PARP6: variants seen among roughly 807,000 people sequenced by gnomAD.
PARP6 encodes protein mono-ADP-ribosyltransferase PARP6.
A neutral mutation model predicts 92.0 loss-of-function variants in PARP6; 27 were observed. That is an observed-to-expected ratio of 0.29 (90% CI 0.22 to 0.40). PARP6 has a LOEUF of 0.40. Ranked by LOEUF, PARP6 falls within the 10% of genes least tolerant of loss-of-function variation. PARP6 has a pLI of 1.00. For synonymous variants in PARP6, 272 were observed against 281.2 expected, an observed-to-expected ratio of 0.97 and a Z score of 0.33; for missense variants, 501 against 784.5, an observed-to-expected ratio of 0.64 and a Z score of 4.32.
intron 20 of PARP6, 148 bp downstream of exon 20, chr15:72,249,095 TAG>T (rs1201902218): frequency 2.5e-4 from 108 of 433,288 alleles, no homozygotes; most frequent in South Asian, 5.1e-4. Context: ...TAAGAAAATG[TAG>T]AGAGAGAGAG....
chr15:72,254,124 CCCT>C, intron 15 of PARP6: 1 of 477,296 alleles, frequency 2.1e-6, no homozygotes, highest in Non-Finnish European at 4.1e-6. Context: ...CTTCAAGCCC[CCCT>C]CCTCCTCACC....
intron 8 of PARP6, among the ~76,000 whole-genome samples, chr15:72,262,302 T>A (rs2085998868): frequency 6.6e-6 from 1 of 152,160 alleles, no homozygotes; most frequent in Admixed American, 6.5e-5. Context: ...CAAAAACCTC[T>A]CTTCCTTCTT....
chr15:72,261,709 T>C lies in PARP6; in HGVS notation c.396-2A>G. On this transcript the variant is annotated splice_acceptor_variant, in intron 8 of 23. Transcript: ENST00000569795. LOFTEE classifies it high-confidence loss of function. ...TGGGATGTAAACATACCCAGGATCCTGAGGGATCAAAAAGAATGAGCTTAG... is the reference window on the plus strand; with the variant it reads ...TGGGATGTAAACATACCCAGGATCCCGAGGGATCAAAAAGAATGAGCTTAG... The C allele has an allele frequency of 1.2e-6, 2 of 1,613,682 alleles. No individual in the cohort carries two copies. Among genetic ancestry groups the C allele is most frequent in the Non-Finnish European group, 1.7e-6 (2 of 1,179,714 alleles).
rs527423264 is a variant in PARP6, at chr15:72,269,151, GTTC to G, written c.-194-1483_-194-1481del. 3.1e-3 allele frequency among the ~76,000 whole-genome samples: 464 copies of G among 152,040 alleles called. 4 individuals are homozygous for G. The highest frequency in any genetic ancestry group is 0.022 in the South Asian group (108 of 4,816). ...AGAGGTGTTCTTGGTCTCTAACACA[GTTC>G]TTCTTCTTCTTCTTTTTTTGTTTTC... On this transcript the variant is annotated intron_variant, in intron 2 of 23. Coordinates refer to ENST00000569795, the MANE Select transcript of PARP6 (RefSeq NM_001323532.2).
chr15:72,256,973 G>A (rs991956736), intron 13 of PARP6, among the ~76,000 whole-genome samples: 7 of 152,122 alleles, frequency 4.6e-5, no homozygotes, highest in African/African-American at 1.7e-4. Flanking sequence ...GACCTCCTGA[G>A]CTCAAGCCAT....
intron 20 of PARP6, chr15:72,243,582 C>T (rs1488779134): frequency 1.3e-5 from 2 of 152,150 alleles, no homozygotes; most frequent in East Asian, 1.9e-4. Context: ...CTTCCTTACC[C>T]GTTTATAACA....
At chr15:72,261,383 G>C (rs1485199206) in intron 9 of PARP6, among the ~76,000 whole-genome samples, 175 bp downstream of exon 9, 1 of 151,836 alleles carries the variant, frequency 6.6e-6, no homozygotes, top group East Asian at 1.9e-4. Flanking sequence ...ATTAACCTTG[G>C]ATAAGGAGTA....
intron 8 of PARP6, among the ~76,000 whole-genome samples, chr15:72,264,340 A>G (rs1240690598): frequency 6.6e-6 from 1 of 152,212 alleles, no homozygotes; most frequent in Non-Finnish European, 1.5e-5. Flanking sequence ...TTATCTCTAG[A>G]AAGTCTCAGC....
At chr15:72,252,924 T>C (rs2084566755) in intron 16 of PARP6, among the ~76,000 whole-genome samples, 1 of 152,066 alleles carries the variant, frequency 6.6e-6, no homozygotes, top group Non-Finnish European at 1.5e-5. Context: ...CTCACAGCTG[T>C]AATCCCAGCA....
chr15:72,262,478 C>T (rs777293237), intron 8 of PARP6, among the ~76,000 whole-genome samples: 6 of 152,154 alleles, frequency 3.9e-5, no homozygotes, highest in Admixed American at 2.6e-4. Context: ...AATCATTCCC[C>T]TTTCCTGTCA....
At chr15:72,247,886 G>A (rs867619435) in intron 20 of PARP6, among the ~76,000 whole-genome samples, 4 of 151,862 alleles carry the variant, frequency 2.6e-5, no homozygotes, top group East Asian at 3.9e-4. Context: ...GGGTTCAAGC[G>A]ATTCTCCTGC....
intron 3 of PARP6, 151 bp from the exon 4 acceptor site, chr15:72,266,973 C>T (rs2086684971): frequency 3.1e-6 from 2 of 636,552 alleles, no homozygotes; most frequent in Non-Finnish European, 5.7e-6. Context: ...TTCATGTCAC[C>T]CTTTGTGAGA....
At position 72,257,551 on chromosome 15, in the gene PARP6, G is replaced by A. The variant is rs74025246; in HGVS notation, c.907-111C>T. 2.2e-3 allele frequency: 1,722 copies of A among 786,716 alleles called. 27 individuals carry two copies. In the African/African-American group the frequency reaches 0.026, roughly 12 times the overall value. 48.7% of individuals were successfully genotyped at this position (786,716 alleles called of 1,614,324 possible). Reference sequence around the variant, plus strand: ...CTCTAAAACAGGGTAGGAATTTGAGGCCCTCTATATCAGGAGAAAACTACC... The same window carrying A: ...CTCTAAAACAGGGTAGGAATTTGAGACCCTCTATATCAGGAGAAAACTACC... On this transcript the variant is annotated intron_variant, in intron 12 of 23. Coordinates refer to ENST00000569795, the MANE Select transcript of PARP6 (RefSeq NM_001323532.2).
At chr15:72,246,337 A>G (rs2083600043) in intron 20 of PARP6, among the ~76,000 whole-genome samples, 1 of 152,104 alleles carries the variant, frequency 6.6e-6, no homozygotes, top group African/African-American at 2.4e-5. Context: ...TTTAGTAGAG[A>G]CAGGGTTTCA....
chr15:72,255,131 T>C (rs2084898363), intron 14 of PARP6, among the ~76,000 whole-genome samples: 1 of 152,182 alleles, frequency 6.6e-6, no homozygotes, highest in South Asian at 2.1e-4. Context: ...TCCTGCCTGA[T>C]TGCTTGAATT....
intron 1 of PARP6, among the ~76,000 whole-genome samples, 186 bp from the exon 2 acceptor site, chr15:72,271,473 A>AGGT (rs1358274194): frequency 6.6e-6 from 1 of 152,176 alleles, no homozygotes; most frequent in African/African-American, 2.4e-5. Flanking sequence ...TGGAAAAGGA[A>AGGT]GGTGGTGGGT....
At position 72,241,929 on chromosome 15, in the gene PARP6, C is replaced by T. The variant is rs2083103133; in HGVS notation, c.1762G>A (p.Asp588Asn). 2.5e-6 allele frequency: 4 copies of T among 1,613,602 alleles called. No individual in the cohort carries two copies. The highest frequency in any genetic ancestry group is 1.1e-5 in the South Asian group (1 of 91,056). The change falls in exon 23 of 24, where the codon GAC becomes AAC. Residue 588 changes from aspartate (D) to asparagine (N), a missense_variant. Coordinates refer to ENST00000569795, the MANE Select transcript of PARP6 (RefSeq NM_001323532.2). The surrounding 1 kb of genome is among the most constrained non-coding windows in gnomAD (Gnocchi z 4.1). ...HGNIWVCPVS[D>N]HVCTRFFFVY... ...AAGAAGAATCTTGTGCAGACATGGT[C>T]GGACACAGGGCACACCCAGATGTTC...
chr15:72,269,340 T>C (rs1567250594), intron 2 of PARP6, among the ~76,000 whole-genome samples: 1 of 152,186 alleles, frequency 6.6e-6, no homozygotes, highest in African/African-American at 2.4e-5. Context: ...TTTGTATTTT[T>C]AGTAGAGACG....
At chr15:72,264,309 C>T (rs1276794000) in intron 8 of PARP6, among the ~76,000 whole-genome samples, 1 of 152,154 alleles carries the variant, frequency 6.6e-6, no homozygotes, top group African/African-American at 2.4e-5. Context: ...AGTAAAAATG[C>T]TAAGTAGTGA....
Sources: gnomAD v4.1 joint callset for allele counts (sites outside exome capture counted in the v4.1 genomes callset) on GRCh38, gnomAD v4.1.1 for gene constraint, Gnocchi (gnomAD v3.1) non-coding constraint, MANE v1.5 for transcripts, NCBI Gene and HGNC (gene_info 2026-07-23, HGNC 2026-07-21) for gene names.